Variants in AP2A2 observed in about 807,000 individuals in gnomAD.
AP2A2 encodes the protein adaptor related protein complex 2 subunit alpha 2.
AP2A2 carries 32 observed loss-of-function variants against 104.2 expected under a neutral mutation model. The ratio of observed to expected loss-of-function variants is 0.31; its 90% CI spans 0.23 to 0.41. AP2A2 has a LOEUF of 0.41. AP2A2 is among the 10% of genes least tolerant of loss of function. The pLI is 1.00. For synonymous variants in AP2A2, 539 were observed against 533.3 expected (o/e 1.01, Z -0.15); for missense variants, 912 against 1,261.0 (o/e 0.72, Z 4.19).
rs192473731 is a variant in AP2A2 at position 1,011,393 on chromosome 11, G to A, written c.*768G>A. 263 of 515,410 alleles carry A rather than the reference G, an allele frequency of 5.1e-4. 3 individuals are homozygous for A. In the Middle Eastern group the frequency reaches 0.018, roughly 34 times the overall value. 31.9% of individuals were successfully genotyped at this position (515,410 alleles called of 1,614,324 possible). On this transcript the variant is annotated 3_prime_UTR_variant, in exon 22 of 22. Coordinates refer to ENST00000448903, the MANE Select transcript of AP2A2 (RefSeq NM_012305.4). ...TGGCGCAAGACTCAGAGGTGTGCTC[G>A]TCTCTTTCCTGTCAGAGTGGGCGTC...
intron 4 of AP2A2, among the ~76,000 whole-genome samples, chr11:973,884 CTA>C (rs1235217534): frequency 1.3e-5 from 2 of 152,212 alleles, no homozygotes; most frequent in Non-Finnish European, 2.9e-5. Context: ...CTTTACAAAC[CTA>C]GCATCTTGAA....
rs760103437 is a variant in AP2A2, at chr11:1,006,574, A to G, written c.2253A>G (p.Leu751=). 1 of 1,613,780 alleles carries G rather than the reference A, an allele frequency of 6.2e-7. No homozygotes were observed. Among genetic ancestry groups the G allele is most frequent in the South Asian group, 1.1e-5 (1 of 91,054 alleles). Residue 751 remains leucine, a synonymous_variant, in exon 17 of 22, where the codon CTA becomes CTG. Transcript: ENST00000448903. ...GTAATAAGACCTCCACGCAGTTCCT[A>G]AACTTTACCCCAACACTAATCTGTT... ...FYGNKTSTQF[L]NFTPTLICSD... is the part of the protein sequence containing the mutation.
chr11:951,331 A>C (rs1854045350), intron 1 of AP2A2, among the ~76,000 whole-genome samples: 1 of 152,158 alleles, frequency 6.6e-6, no homozygotes, highest in Non-Finnish European at 1.5e-5. Context: ...GTTTGAGACC[A>C]GCCTGACCAA....
intron 14 of AP2A2, 142 bp downstream of exon 14, chr11:994,387 T>A: frequency 9.3e-7 from 1 of 1,078,434 alleles, no homozygotes; most frequent in Non-Finnish European, 1.3e-6. Flanking sequence ...CCCGCTGTCC[T>A]GTCCTGGGGG....
intron 1 of AP2A2, chr11:942,459 G>T (rs547829405): frequency 6.6e-6 from 1 of 152,318 alleles, no homozygotes; most frequent in East Asian, 1.9e-4. Context: ...GAAATCAAAG[G>T]AAAGGCATGG....
chr11:931,910 T>G (rs547922085), intron 1 of AP2A2, among the ~76,000 whole-genome samples: 1 of 151,960 alleles, frequency 6.6e-6, no homozygotes, highest in African/African-American at 2.4e-5. Context: ...TCCAAGTGAT[T>G]CTTGTGCCTC....
intron 2 of AP2A2, among the ~76,000 whole-genome samples, chr11:964,821 A>T (rs1402575767): frequency 7.9e-6 from 1 of 127,368 alleles, no homozygotes; most frequent in Non-Finnish European, 1.8e-5. Flanking sequence ...GAAAGCATGG[A>T]ACGGGCAGGA....
At chr11:969,534 C>G (rs555400733) in intron 2 of AP2A2, among the ~76,000 whole-genome samples, 53 of 152,212 alleles carry the variant, frequency 3.5e-4, no homozygotes, top group Non-Finnish European at 6.9e-4. Context: ...CCCAGAATGG[C>G]CCTTTTTTTA....
intron 7 of AP2A2, 174 bp from the exon 8 acceptor site, chr11:985,260 GA>G: frequency 1.2e-6 from 1 of 817,934 alleles, no homozygotes; most frequent in Non-Finnish European, 1.8e-6. Flanking sequence ...TGGGATTACA[GA>G]AGTGAGCCAC....
chr11:1,008,075 T>C lies in AP2A2; in HGVS notation c.2360T>C (p.Val787Ala), dbSNP rs1057150522. 3 of 1,599,880 alleles carry C rather than the reference T, an allele frequency of 1.9e-6. No homozygotes were observed. Among genetic ancestry groups the C allele is most frequent in the South Asian group, 1.1e-5 (1 of 88,664 alleles). ...GAGGGGGGCGCGCAGGTGCAGCAGG[T>C]GGTCAACATAGAGTGCGTGTCCGAC... ...TVEGGAQVQQ[V>A]VNIECVSDFT... Residue 787 changes from valine to alanine, a missense_variant, in exon 18 of 22, where the codon GTG (valine) becomes GCG (alanine). By Grantham distance (64) the Val-to-Ala change is moderately conservative (BLOSUM62 0). This residue lies in a region of AP2A2 where 239 missense variants were observed against 329.8 expected (regional missense o/e 0.72). Transcript: ENST00000448903.
At chr11:1,009,927 T>G in intron 21 of AP2A2, 110 bp downstream of exon 21, 1 of 1,366,160 alleles carries the variant, frequency 7.3e-7, no homozygotes. Context: ...TTTTGACAGA[T>G]GTTGTTTAAC....
chr11:988,105 C>CT (rs1182191797), intron 9 of AP2A2, among the ~76,000 whole-genome samples: 1 of 152,274 alleles, frequency 6.6e-6, no homozygotes, highest in Non-Finnish European at 1.5e-5. Context: ...CTTTCTCGTG[C>CT]TGCAGAGCCT....
In AP2A2 at chr11:929,407, C is replaced by T. The variant is rs865930290; in HGVS notation, c.67+3319C>T. Among the ~76,000 whole-genome samples the T allele has an allele frequency of 4.6e-5, 7 of 152,264 alleles. No homozygotes were observed. In the East Asian group the frequency reaches 5.8e-4, roughly 13 times the overall value. Reference sequence around the variant, plus strand: ...GGCCATGGAGCCTCAGTTTCCACAGCGGACAGTTGAAGGGCTGGATTTTCA... The same window carrying T: ...GGCCATGGAGCCTCAGTTTCCACAGTGGACAGTTGAAGGGCTGGATTTTCA... On this transcript the variant is annotated intron_variant, in intron 1 of 21. Transcript: ENST00000448903.
At chr11:984,611 G>A (rs746119601) in intron 6 of AP2A2, 34 bp from the exon 7 acceptor site, 25 of 1,545,062 alleles carry the variant, frequency 1.6e-5, no homozygotes, top group East Asian at 6.7e-5. Context: ...GCTCGTGTCC[G>A]GCAGCGTGTC....
Position 993,319 on chromosome 11 carries a change from C to T in AP2A2, c.1488C>T (p.Val496=), listed in dbSNP as rs367860145. 3.2e-5 allele frequency: 52 copies of T among 1,612,506 alleles called. No homozygotes were observed. The highest frequency in any genetic ancestry group is 4.3e-5 in the Non-Finnish European group (51 of 1,179,524). The change falls in exon 12 of 22, where the codon GTC becomes GTT. Residue 496 remains valine (V), a synonymous_variant. Transcript: ENST00000448903. This position sits in a 1 kb window ranked among gnomAD's most constrained non-coding sequence, Gnocchi z 8.2. The stretch of plus-strand genomic sequence containing the variant: ...CTCCCGCGTGCCACGAGAACCTGGT[C>T]AAAGTGGGCGGCTACATCCTGGGGG... ...LQAPACHENL[V]KVGGYILGEF...
At chr11:972,845 C>T (rs903094213) in intron 4 of AP2A2, among the ~76,000 whole-genome samples, 27 of 152,270 alleles carry the variant, frequency 1.8e-4, no homozygotes, top group African/African-American at 6.5e-4. Flanking sequence ...CTGGGTAGAA[C>T]GATGCATCTC....
chr11:1,002,709 C>A (rs1036412343), intron 15 of AP2A2, among the ~76,000 whole-genome samples: 1 of 152,230 alleles, frequency 6.6e-6, no homozygotes, highest in Non-Finnish European at 1.5e-5. Context: ...AGCAGGATGC[C>A]GATGAGAAGG....
intron 6 of AP2A2, among the ~76,000 whole-genome samples, chr11:982,482 G>A (rs1012482653): frequency 1.3e-5 from 2 of 152,000 alleles, no homozygotes; most frequent in African/African-American, 2.4e-5. Context: ...TGGGTTGTCC[G>A]TTTTTTGTGT....
Position 930,261 on chromosome 11 carries a change from A to G in AP2A2, c.67+4173A>G, listed in dbSNP as rs367561566. 4.6e-5 allele frequency among the ~76,000 whole-genome samples: 7 copies of G among 152,038 alleles called. No homozygotes were observed. The East Asian group carries it at 1.4e-3, about 29-fold the overall frequency. ...GGCTTGGGGCATTACTCCTCTTAGC[A>G]TAGGCAGCAATGAATATGCTCCAGG... On this transcript the variant is annotated intron_variant, in intron 1 of 21. Transcript: ENST00000448903.
Sources: allele counts gnomAD v4.1 joint callset (sites outside exome capture counted in the v4.1 genomes callset), GRCh38; gene constraint gnomAD v4.1.1; regional missense constraint gnomAD v4.1.1; non-coding constraint Gnocchi (gnomAD v3.1); transcripts MANE v1.5; gene names NCBI Gene and HGNC (gene_info 2026-07-23, HGNC 2026-07-21).